NFATC3: variants seen among roughly 807,000 people sequenced by gnomAD.
NFATC3 encodes nuclear factor of activated T cells 3, also known as nuclear factor of activated T-cells, cytoplasmic 3.
NFATC3 carries 46 observed loss-of-function variants against 98.6 expected under a neutral mutation model. That is an observed-to-expected ratio of 0.47 (90% CI 0.37 to 0.60). The LOEUF (loss-of-function observed/expected upper bound fraction) is 0.60, where lower values mean the gene tolerates loss of function less well. Ranked by LOEUF, NFATC3 falls within the 20% of genes least tolerant of loss-of-function variation. NFATC3 has a pLI of 0.00. For synonymous variants in NFATC3, 512 were observed against 472.2 expected (o/e 1.08, Z -1.09); for missense variants, 1,256 against 1,295.5 (o/e 0.97, Z 0.47).
At chr16:68,224,125 T>TAAAAA (rs2041962157) in intron 9 of NFATC3, among the ~76,000 whole-genome samples, 2 of 142,184 alleles carry the variant, frequency 1.4e-5, no homozygotes, top group African/African-American at 5.2e-5. Flanking sequence ...ATGCACCAGT[T>TAAAAA]TAAAAAAAAA....
At chr16:68,130,820 T>A (rs908715579) in intron 3 of NFATC3, among the ~76,000 whole-genome samples, 3 of 152,222 alleles carry the variant, frequency 2.0e-5, no homozygotes, top group Non-Finnish European at 4.4e-5. Flanking sequence ...GATTTTTTTG[T>A]ATATGATGAA....
At chr16:68,151,432 T>C (rs2038313371) in intron 3 of NFATC3, among the ~76,000 whole-genome samples, 1 of 152,192 alleles carries the variant, frequency 6.6e-6, no homozygotes, top group African/African-American at 2.4e-5. Context: ...ATGAACTCTT[T>C]ACATGGTAAG....
intron 8 of NFATC3, chr16:68,189,431 T>C (rs550784966): frequency 4.7e-6 from 1 of 213,020 alleles, no homozygotes; most frequent in Non-Finnish European, 1.0e-5. Flanking sequence ...GGAAAAAAGA[T>C]TGTGTTGGCT....
At chr16:68,159,563 G>A (rs895315448) in intron 4 of NFATC3, among the ~76,000 whole-genome samples, 5 of 151,592 alleles carry the variant, frequency 3.3e-5, no homozygotes, top group Admixed American at 6.6e-5. Context: ...GCTGGGACTA[G>A]AGGCACCTGC....
At chr16:68,191,835 A>G (rs2040421170) in intron 9 of NFATC3, 60 bp downstream of exon 9, 1 of 1,573,402 alleles carries the variant, frequency 6.4e-7, no homozygotes, top group South Asian at 1.1e-5. Flanking sequence ...TATTCTCCCA[A>G]GTGTCATGAA....
chr16:68,092,738 C>A (rs1290094469), intron 1 of NFATC3, among the ~76,000 whole-genome samples: 1 of 152,086 alleles, frequency 6.6e-6, no homozygotes. Flanking sequence ...AAAACAAAAA[C>A]AAACTGTTAG....
At chr16:68,091,219 C>T (rs894395278) in intron 1 of NFATC3, among the ~76,000 whole-genome samples, 1 of 152,180 alleles carries the variant, frequency 6.6e-6, no homozygotes, top group Admixed American at 6.5e-5. Flanking sequence ...AAAGTTAAAA[C>T]TTGGGTATTA....
Position 68,191,449 on chromosome 16 carries a change from C to G in NFATC3, c.2780C>G (p.Ser927Cys), listed in dbSNP as rs1251955331. 1 of 1,613,936 alleles carries G rather than the reference C, an allele frequency of 6.2e-7. No individual in the cohort carries two copies. Among genetic ancestry groups the G allele is most frequent in the Non-Finnish European group, 8.5e-7 (1 of 1,180,042 alleles). ...CATTCAGGGTCTGCTACAACAGCTTCCCCAGCAGCTTCTCATCCCTTGGCT... is the reference window on the plus strand; with the variant it reads ...CATTCAGGGTCTGCTACAACAGCTTGCCCAGCAGCTTCTCATCCCTTGGCT... Reference protein sequence around the residue: ...PSHSGSATTASPAASHPLASS... With the variant: ...PSHSGSATTACPAASHPLASS... Residue 927 changes from serine to cysteine, a missense_variant, in exon 9 of 10, where the codon TCC becomes TGC. Physicochemically the swap from Ser to Cys is moderately radical, Grantham distance 112. This residue lies in a region of NFATC3 where 636 missense variants were observed against 617.3 expected (regional missense o/e 1.03). Coordinates refer to ENST00000346183, the MANE Select transcript of NFATC3 (RefSeq NM_173165.3).
At chr16:68,121,950 T>G in intron 1 of NFATC3, 37 bp from the exon 2 acceptor site, 1 of 1,528,382 alleles carries the variant, frequency 6.5e-7, no homozygotes, top group Non-Finnish European at 8.7e-7. Flanking sequence ...ATTTCTTGTT[T>G]TGTTGGGTTT....
At chr16:68,221,081 C>T (rs1598630640) in intron 9 of NFATC3, 4 of 1,124,048 alleles carry the variant, frequency 3.6e-6, no homozygotes, top group Middle Eastern at 2.9e-4. Flanking sequence ...CAAATTCATG[C>T]ATATATCCAT....
intron 7 of NFATC3, 33 bp from the exon 8 acceptor site, chr16:68,183,207 T>C: frequency 1.3e-6 from 2 of 1,543,972 alleles, no homozygotes; most frequent in East Asian, 2.3e-5. Flanking sequence ...TTTTTAGTTC[T>C]GAGTGTAACA....
chr16:68,123,230 C>T, intron 2 of NFATC3, 109 bp downstream of exon 2: 2 of 1,152,584 alleles, frequency 1.7e-6, no homozygotes, highest in Non-Finnish European at 2.3e-6. Context: ...GACCATTTCT[C>T]CTCTTCCTAT....
At chr16:68,196,554 G>C (rs955595033) in intron 9 of NFATC3, among the ~76,000 whole-genome samples, 1 of 152,148 alleles carries the variant, frequency 6.6e-6, no homozygotes. Flanking sequence ...TTAGCTGGGC[G>C]TGGTGGTGGG....
At chr16:68,092,311 G>T (rs990158385) in intron 1 of NFATC3, among the ~76,000 whole-genome samples, 3 of 151,064 alleles carry the variant, frequency 2.0e-5, no homozygotes, top group Admixed American at 6.6e-5. Flanking sequence ...CAAAAAATTA[G>T]CTGGATGTGG....
chr16:68,199,157 A>G (rs1386739438), intron 9 of NFATC3, among the ~76,000 whole-genome samples: 1 of 152,078 alleles, frequency 6.6e-6, no homozygotes, highest in Non-Finnish European at 1.5e-5. Context: ...CGGAGGTTAC[A>G]GTGAGCTGAG....
At chr16:68,211,072 T>C (rs993810064) in intron 9 of NFATC3, among the ~76,000 whole-genome samples, 1 of 151,954 alleles carries the variant, frequency 6.6e-6, no homozygotes, top group Non-Finnish European at 1.5e-5. Flanking sequence ...AGCCTTTTCT[T>C]TTCTTATAGT....
chr16:68,135,301 AC>A (rs2037333026), intron 3 of NFATC3, among the ~76,000 whole-genome samples: 1 of 152,046 alleles, frequency 6.6e-6, no homozygotes, highest in Non-Finnish European at 1.5e-5. Flanking sequence ...TACTAAAAAT[AC>A]AAAAAATTAG....
At position 68,095,074 on chromosome 16, in the gene NFATC3, G is replaced by A. The variant is rs189517920; in HGVS notation, c.103+9290G>A. Reference sequence around the variant, plus strand: ...AAACACAAGGCTGCATGGGAGAGGAGTGGATAGAAGGATAGAAAATCTGTT... The same window carrying A: ...AAACACAAGGCTGCATGGGAGAGGAATGGATAGAAGGATAGAAAATCTGTT... On this transcript the variant is annotated intron_variant, in intron 1 of 9. Transcript: ENST00000346183. 5.3e-5 allele frequency among the ~76,000 whole-genome samples: 8 copies of A among 152,288 alleles called. No individual in the cohort carries two copies. The East Asian group carries it at 1.2e-3, about 22-fold the overall frequency.
rs2151188689 is a variant in NFATC3 at position 68,227,317 on chromosome 16, G to C, written c.*846G>C. The C allele has an allele frequency of 6.6e-6, 1 of 152,328 alleles. No homozygotes were observed. Among genetic ancestry groups the C allele is most frequent in the Non-Finnish European group, 1.5e-5 (1 of 68,046 alleles). The allele number at this position is 152,328 out of a possible 1,614,324, so 9.4% of individuals were successfully genotyped here. On this transcript the variant is annotated 3_prime_UTR_variant, in exon 10 of 10. Transcript: ENST00000346183. ...TTGCCATCATAAAAACTAGTAGGCT[G>C]TGGAGTGCGCTTCCTGTTTGTGTCA...
Sources: gnomAD v4.1 joint callset for allele counts (sites outside exome capture counted in the v4.1 genomes callset) on GRCh38, gnomAD v4.1.1 for gene constraint, gnomAD v4.1.1 regional missense constraint, MANE v1.5 for transcripts, NCBI Gene and HGNC (gene_info 2026-07-23, HGNC 2026-07-21) for gene names.